Variants in ZNF521 observed in about 807,000 individuals in gnomAD.
ZNF521 encodes the protein zinc finger protein 521.
A neutral mutation model predicts 105.5 loss-of-function variants in ZNF521; 14 were observed. That is an observed-to-expected ratio of 0.13 (90% CI 0.09 to 0.21). The LOEUF (loss-of-function observed/expected upper bound fraction) is 0.21, where lower values mean the gene tolerates loss of function less well. ZNF521 is among the 10% of genes least tolerant of loss of function. ZNF521 has a pLI of 1.00. For synonymous variants in ZNF521, 635 were observed against 606.0 expected (o/e 1.05, Z -0.70); for missense variants, 1,233 against 1,629.7 (o/e 0.76, Z 4.19).
At chr18:25,326,481 G>A (rs757260666) in intron 2 of ZNF521, among the ~76,000 whole-genome samples, 5 of 152,158 alleles carry the variant, frequency 3.3e-5, no homozygotes, top group Non-Finnish European at 7.4e-5. Flanking sequence ...AGTGTCCATC[G>A]CAAAACAACT....
At chr18:25,244,534 G>A (rs1907574805) in intron 3 of ZNF521, among the ~76,000 whole-genome samples, 1 of 152,200 alleles carries the variant, frequency 6.6e-6, no homozygotes, top group Admixed American at 6.5e-5. Flanking sequence ...TAGGAAAAGG[G>A]ACCCAGAGTC....
intron 5 of ZNF521, among the ~76,000 whole-genome samples, chr18:25,132,452 ATACTT>A (rs1398443687): frequency 2.6e-5 from 4 of 152,198 alleles, no homozygotes; most frequent in African/African-American, 9.7e-5. Context: ...AGAAAAATAA[ATACTT>A]TAATTTCAGG....
At chr18:25,259,448 A>G (rs1908753923) in intron 3 of ZNF521, among the ~76,000 whole-genome samples, 1 of 152,118 alleles carries the variant, frequency 6.6e-6, no homozygotes, top group Admixed American at 6.6e-5. Context: ...ACTGTGATGC[A>G]CTCAAGGGGC....
intron 5 of ZNF521, among the ~76,000 whole-genome samples, chr18:25,150,891 CTTTTTTTTTT>C (rs559303954): frequency 7.6e-6 from 1 of 132,200 alleles, no homozygotes; most frequent in African/African-American, 2.8e-5. Flanking sequence ...TTTCTTTTTT[CTTTTTTTTTT>C]TTTTTGAGAC....
At chr18:25,315,586 A>C (rs1912562395) in intron 3 of ZNF521, 1 of 152,244 alleles carries the variant, frequency 6.6e-6, no homozygotes, top group African/African-American at 2.4e-5. Flanking sequence ...ATTTCAGTCC[A>C]CGTGGACAGC....
At chr18:25,268,028 A>C (rs1021825618) in intron 3 of ZNF521, among the ~76,000 whole-genome samples, 3 of 152,214 alleles carry the variant, frequency 2.0e-5, no homozygotes, top group African/African-American at 7.2e-5. Context: ...GAAGCTAAGA[A>C]CACTGAAAAA....
chr18:25,286,920 T>G (rs951392241), intron 3 of ZNF521, among the ~76,000 whole-genome samples: 4 of 152,162 alleles, frequency 2.6e-5, no homozygotes, highest in Non-Finnish European at 5.9e-5. Context: ...CCAAATATCT[T>G]TTGCAAATTA....
intron 3 of ZNF521, among the ~76,000 whole-genome samples, chr18:25,295,946 CACTTACAATTG>C (rs1326231381): frequency 6.6e-6 from 1 of 152,238 alleles, no homozygotes; most frequent in East Asian, 1.9e-4. Context: ...ATCGTGGCAA[CACTTACAATTG>C]TCACACTTTT....
At position 25,350,950 on chromosome 18, in the gene ZNF521, A is replaced by G; in HGVS notation, c.-1-3T>C. On this transcript the variant is annotated splice_region_variant and splice_polypyrimidine_tract_variant and intron_variant, in intron 1 of 7. Coordinates refer to ENST00000361524, the MANE Select transcript of ZNF521 (RefSeq NM_015461.3). ...TCGCTTGCTTGCGGCGAGACATCCT[A>G]AAAGCAAACAGCTGAAGTTGTTTCA... is the stretch of plus-strand genomic sequence containing the variant. The G allele has an allele frequency of 1.3e-6, 2 of 1,548,956 alleles. No individual in the cohort carries two copies. The highest frequency in any genetic ancestry group is 1.7e-6 in the Non-Finnish European group (2 of 1,145,678).
chr18:25,230,066 C>T (rs751798197), intron 3 of ZNF521, among the ~76,000 whole-genome samples: 3 of 152,254 alleles, frequency 2.0e-5, no homozygotes, highest in Non-Finnish European at 1.5e-5. Context: ...TTGTAAATTT[C>T]AGTGACACGT....
intron 3 of ZNF521, among the ~76,000 whole-genome samples, chr18:25,272,986 G>A (rs990977728): frequency 2.0e-5 from 3 of 151,904 alleles, no homozygotes; most frequent in East Asian, 1.9e-4. Context: ...CAGCACTTTG[G>A]GAGGCAGAAG....
At chr18:25,171,042 G>C (rs1362450099) in intron 5 of ZNF521, among the ~76,000 whole-genome samples, 1 of 152,096 alleles carries the variant, frequency 6.6e-6, no homozygotes, top group Non-Finnish European at 1.5e-5. Context: ...ATGAGAGACA[G>C]ACAACTTAAA....
At chr18:25,205,942 C>G (rs562448828) in intron 4 of ZNF521, among the ~76,000 whole-genome samples, 1 of 152,184 alleles carries the variant, frequency 6.6e-6, no homozygotes, top group Non-Finnish European at 1.5e-5. Context: ...TGATCCTGAA[C>G]AGCTATAAGC....
intron 3 of ZNF521, among the ~76,000 whole-genome samples, chr18:25,304,701 T>C (rs758310067): frequency 3.5e-4 from 54 of 152,172 alleles, no homozygotes; most frequent in Non-Finnish European, 6.3e-4. Flanking sequence ...CTGGGCAGAG[T>C]TCACCTTCAG....
chr18:25,312,674 G>C (rs1387731934), intron 3 of ZNF521, among the ~76,000 whole-genome samples: 1 of 104,314 alleles, frequency 9.6e-6, no homozygotes, highest in Non-Finnish European at 2.1e-5. Flanking sequence ...AGCCGGGCGC[G>C]GTGGCGGGCG....
At chr18:25,110,654 C>A (rs1381073481) in intron 5 of ZNF521, among the ~76,000 whole-genome samples, 1 of 151,162 alleles carries the variant, frequency 6.6e-6, no homozygotes, top group Admixed American at 6.6e-5. Flanking sequence ...GCTTCTTGCC[C>A]AGCTATCTTA....
At chr18:25,156,824 G>A (rs768803406) in intron 5 of ZNF521, among the ~76,000 whole-genome samples, 4 of 152,148 alleles carry the variant, frequency 2.6e-5, no homozygotes, top group Non-Finnish European at 4.4e-5. Flanking sequence ...GTCTTAAAAC[G>A]TGAAGAGTTC....
At chr18:25,164,971 T>A (rs1391150324) in intron 5 of ZNF521, among the ~76,000 whole-genome samples, 2 of 152,238 alleles carry the variant, frequency 1.3e-5, no homozygotes, top group Non-Finnish European at 2.9e-5. Flanking sequence ...ACCGATGTCG[T>A]GCTCTTTCCG....
chr18:25,239,705 C>T (rs1015248234), intron 3 of ZNF521, among the ~76,000 whole-genome samples: 3 of 152,162 alleles, frequency 2.0e-5, no homozygotes, highest in Non-Finnish European at 4.4e-5. Flanking sequence ...CAGTCTCTTG[C>T]AACTTCCGGG....
Sources: gnomAD v4.1 joint callset for allele counts (sites outside exome capture counted in the v4.1 genomes callset) on GRCh38, gnomAD v4.1.1 for gene constraint, MANE v1.5 for transcripts, NCBI Gene and HGNC (gene_info 2026-07-23, HGNC 2026-07-21) for gene names.